ZNG1E: variants seen among roughly 807,000 people sequenced by gnomAD.
ZNG1E encodes zinc-regulated GTPase metalloprotein activator 1E.
chr9:65,658,956 C>A, the ZNG1E span, among the ~76,000 whole-genome samples: 1 of 151,552 alleles, frequency 6.6e-6, no homozygotes, highest in Non-Finnish European at 1.5e-5. Context: ...TTAAAGGCCC[C>A]ACGTCTAAAT....
At chr9:65,678,815 A>G in the ZNG1E span, among the ~76,000 whole-genome samples, 7 of 130,640 alleles carry the variant, frequency 5.4e-5, no homozygotes, top group South Asian at 1.9e-3. Flanking sequence ...TTTAAAGCAT[A>G]CTATAAGTAG....
chr9:65,684,867 C>T, the ZNG1E span, among the ~76,000 whole-genome samples: 1 of 152,154 alleles, frequency 6.6e-6, no homozygotes, highest in Non-Finnish European at 1.5e-5. Flanking sequence ...GAGTCACACA[C>T]ATTTTTTTGT....
chr9:65,687,466 G>A, the ZNG1E span, among the ~76,000 whole-genome samples: 1 of 152,208 alleles, frequency 6.6e-6, no homozygotes, highest in Non-Finnish European at 1.5e-5. Flanking sequence ...AGGATTACTT[G>A]GCTAGGTATA....
chr9:65,709,508 C>A, the ZNG1E span, among the ~76,000 whole-genome samples: 62 of 120,526 alleles, frequency 5.1e-4, no homozygotes, highest in African/African-American at 2.2e-3. Context: ...CCCCCTCCCC[C>A]CAACCCACAA....
At chr9:65,658,513 TAATC>T in the ZNG1E span, among the ~76,000 whole-genome samples, 1 of 142,032 alleles carries the variant, frequency 7.0e-6, no homozygotes, top group South Asian at 2.2e-4. Flanking sequence ...AGAAAGGAAA[TAATC>T]AATAAAATAA....
chr9:65,733,785 ACATT>A, the ZNG1E span: 1 of 609,438 alleles, frequency 1.6e-6, no homozygotes, highest in African/African-American at 1.9e-5. Context: ...AAAACATTTA[ACATT>A]CATACAATTA....
chr9:65,720,030 G>A, the ZNG1E span: 2 of 1,598,024 alleles, frequency 1.3e-6, no homozygotes. Context: ...TTTCTAATCA[G>A]TTGTTTTTAG....
the ZNG1E span, among the ~76,000 whole-genome samples, chr9:65,693,674 C>A: frequency 1.3e-5 from 2 of 150,684 alleles, no homozygotes; most frequent in African/African-American, 4.8e-5. Flanking sequence ...TCCCTTGTCT[C>A]AGCCTCCTGA....
the ZNG1E span, among the ~76,000 whole-genome samples, chr9:65,658,637 T>A: frequency 6.7e-6 from 1 of 149,176 alleles, no homozygotes; most frequent in Non-Finnish European, 1.5e-5. Context: ...ATTTGTGCGA[T>A]TTTAAAATAC....
At chr9:65,677,408 C>T in the ZNG1E span, among the ~76,000 whole-genome samples, 1 of 152,186 alleles carries the variant, frequency 6.6e-6, no homozygotes, top group South Asian at 2.1e-4. Flanking sequence ...GCTTCTCTGG[C>T]TTCTTTTTAA....
the ZNG1E span, chr9:65,677,062 G>A: frequency 1.4e-5 from 18 of 1,290,016 alleles, 1 homozygote; most frequent in Non-Finnish European, 1.9e-5. Context: ...TAGACTGTAA[G>A]TTTATTCTCG....
At chr9:65,656,610 G>A in the ZNG1E span, among the ~76,000 whole-genome samples, 2 of 152,288 alleles carry the variant, frequency 1.3e-5, no homozygotes, top group Admixed American at 1.3e-4. Context: ...GCCAGATAAT[G>A]GTCCCTCTCC....
the ZNG1E span, among the ~76,000 whole-genome samples, chr9:65,671,414 G>T: frequency 6.6e-6 from 1 of 151,818 alleles, no homozygotes; most frequent in Non-Finnish European, 1.5e-5. Flanking sequence ...TCACCTTTCG[G>T]GTTCAAGCAA....
At chr9:65,667,034 T>C in the ZNG1E span, among the ~76,000 whole-genome samples, 1 of 152,240 alleles carries the variant, frequency 6.6e-6, no homozygotes, top group Non-Finnish European at 1.5e-5. Flanking sequence ...TCGGTCAGGC[T>C]GTTCTCAAAC....
At chr9:65,671,430 T>C in the ZNG1E span, among the ~76,000 whole-genome samples, 126,353 of 150,290 alleles carry the variant, frequency 0.84, 51,578 homozygotes, top group South Asian at 0.93. Flanking sequence ...AGCAATTCTT[T>C]TGCCTCAACC....
chr9:65,681,238 A>T, the ZNG1E span, among the ~76,000 whole-genome samples: 1 of 152,128 alleles, frequency 6.6e-6, no homozygotes, highest in African/African-American at 2.4e-5. Flanking sequence ...TCCAGTATAT[A>T]AAACATACTA....
the ZNG1E span, among the ~76,000 whole-genome samples, chr9:65,710,659 A>G: frequency 6.6e-6 from 1 of 151,716 alleles, no homozygotes; most frequent in East Asian, 1.9e-4. Flanking sequence ...AAGATCAGAT[A>G]GTTGTAGATA....
chr9:65,710,871 GT>G, the ZNG1E span, among the ~76,000 whole-genome samples: 1 of 146,312 alleles, frequency 6.8e-6, no homozygotes, highest in African/African-American at 2.7e-5. Context: ...CTTTAAAGTA[GT>G]TTTTTCCAAT....
At chr9:65,689,805 C>T in the ZNG1E span, among the ~76,000 whole-genome samples, 1 of 150,252 alleles carries the variant, frequency 6.7e-6, no homozygotes, top group African/African-American at 2.4e-5. Flanking sequence ...TTTTCCCCCT[C>T]ATTAATTAAA....
Sources: gnomAD v4.1 joint callset for allele counts (sites outside exome capture counted in the v4.1 genomes callset) on GRCh38, gnomAD v4.1.1 for gene constraint, MANE v1.5 for transcripts, NCBI Gene and HGNC (gene_info 2026-07-23, HGNC 2026-07-21) for gene names.